Variants in GLRA1 observed in about 807,000 individuals in gnomAD.
The protein encoded by GLRA1 is glycine receptor alpha 1, also known as glycine receptor subunit alpha-1.
GLRA1 carries 37 observed loss-of-function variants against 48.3 expected under a neutral mutation model. That is an observed-to-expected ratio of 0.77 (90% CI 0.59 to 1.01). The LOEUF (loss-of-function observed/expected upper bound fraction) is 1.01, where lower values mean the gene tolerates loss of function less well. Ranked by LOEUF, GLRA1 falls within the 50% of genes least tolerant of loss-of-function variation. The probability of loss-of-function intolerance (pLI) is 0.00; values close to 1 mark genes in which losing one functional copy is unlikely to be tolerated. For missense variants in GLRA1, 427 were observed against 571.0 expected (o/e 0.75, Z 2.57); for synonymous variants, 196 against 210.7 (o/e 0.93, Z 0.60).
chr5:151,855,823 T>A (rs12109585), intron 5 of GLRA1, among the ~76,000 whole-genome samples: 60,517 of 152,046 alleles, frequency 0.4, 12,214 homozygotes, highest in South Asian at 0.45. Context: ...AAAATCCCAG[T>A]CCTCCATAAA....
intron 3 of GLRA1, among the ~76,000 whole-genome samples, chr5:151,866,946 A>G (rs1028201511): frequency 1.2e-4 from 18 of 152,220 alleles, no homozygotes; most frequent in African/African-American, 4.1e-4. Flanking sequence ...GTACAAAAAA[A>G]GTAAAAATAA....
chr5:151,911,569 C>T (rs1035981938), intron 1 of GLRA1, among the ~76,000 whole-genome samples: 127 of 146,904 alleles, frequency 8.6e-4, no homozygotes, highest in African/African-American at 2.8e-3. Context: ...ACTAGGATTT[C>T]GGAATATGTA....
intron 4 of GLRA1, among the ~76,000 whole-genome samples, chr5:151,859,082 G>A (rs1733071177): frequency 6.6e-6 from 1 of 152,158 alleles, no homozygotes; most frequent in South Asian, 2.1e-4. Context: ...TTATTAGGAG[G>A]GCTGGATATA....
At chr5:151,849,217 T>TCTTTTCTTTC (rs1752803253) in intron 7 of GLRA1, among the ~76,000 whole-genome samples, 1 of 62,964 alleles carries the variant, frequency 1.6e-5, no homozygotes, top group African/African-American at 6.9e-5. Flanking sequence ...TTCCTTCCTT[T>TCTTTTCTTTC]CTTCCTTCCT....
chr5:151,826,482 G>C (rs1561545042), intron 8 of GLRA1, among the ~76,000 whole-genome samples: 1 of 152,168 alleles, frequency 6.6e-6, no homozygotes, highest in Admixed American at 6.5e-5. Flanking sequence ...GTTAATGTTT[G>C]GAGAAGAACC....
chr5:151,908,212 G>C (rs1345901629), intron 1 of GLRA1, among the ~76,000 whole-genome samples: 3 of 152,198 alleles, frequency 2.0e-5, no homozygotes, highest in African/African-American at 7.2e-5. Flanking sequence ...CCACCAGCAG[G>C]AAACATGGAG....
chr5:151,906,020 G>T (rs541380524), intron 1 of GLRA1, among the ~76,000 whole-genome samples: 2 of 152,058 alleles, frequency 1.3e-5, no homozygotes, highest in Middle Eastern at 3.2e-3. Context: ...GCTCGAAATG[G>T]GGGGTGGGAT....
intron 4 of GLRA1, among the ~76,000 whole-genome samples, chr5:151,859,284 G>T (rs935283962): frequency 3.9e-5 from 6 of 152,126 alleles, no homozygotes; most frequent in Non-Finnish European, 8.8e-5. Flanking sequence ...AATATCTCAA[G>T]GATACTCCAC....
chr5:151,861,032 C>T (rs1411422427), intron 3 of GLRA1, among the ~76,000 whole-genome samples: 2 of 152,130 alleles, frequency 1.3e-5, no homozygotes, highest in Admixed American at 6.5e-5. Flanking sequence ...CAGCTTTATC[C>T]GTGTCCCTAT....
chr5:151,883,093 C>T (rs1007752730), intron 3 of GLRA1, among the ~76,000 whole-genome samples: 1 of 152,052 alleles, frequency 6.6e-6, no homozygotes, highest in Admixed American at 6.5e-5. Flanking sequence ...GAAATAGCAC[C>T]TCCTGCCCTA....
In GLRA1 at chr5:151,924,559, C is replaced by T. The variant is rs779413449; in HGVS notation, c.-10G>A. 71 of 1,585,782 alleles carry T rather than the reference C, an allele frequency of 4.5e-5. No individual in the cohort carries two copies. Among genetic ancestry groups the T allele is most frequent in the Non-Finnish European group, 6.2e-5 (71 of 1,154,174 alleles). On this transcript the variant is annotated 5_prime_UTR_variant, in exon 1 of 9. Coordinates refer to ENST00000274576, the MANE Select transcript of GLRA1 (RefSeq NM_000171.4). ...TATTGAAGCTGTACATTTTTCAGGT[C>T]CTTGTGCTTTGTAGTCCACGAGTTA... is the stretch of plus-strand genomic sequence containing the variant.
intron 7 of GLRA1, among the ~76,000 whole-genome samples, chr5:151,847,824 A>T (rs1328743251): frequency 6.6e-6 from 1 of 152,190 alleles, no homozygotes; most frequent in African/African-American, 2.4e-5. Context: ...CTGAAAGAAA[A>T]ATAGTGCCTG....
chr5:151,904,138 A>G (rs909789120), intron 1 of GLRA1, among the ~76,000 whole-genome samples: 5 of 152,214 alleles, frequency 3.3e-5, no homozygotes, highest in Admixed American at 3.3e-4. Flanking sequence ...ATGGATGATG[A>G]AGAAACAACA....
chr5:151,918,465 C>G (rs1754791639), intron 1 of GLRA1, among the ~76,000 whole-genome samples: 1 of 152,172 alleles, frequency 6.6e-6, no homozygotes, highest in Admixed American at 6.5e-5. Flanking sequence ...TTTTGCATAA[C>G]CAAGGTGATT....
intron 2 of GLRA1, among the ~76,000 whole-genome samples, chr5:151,887,130 A>T (rs189229649): frequency 6.2e-4 from 95 of 152,304 alleles, no homozygotes; most frequent in Non-Finnish European, 2.1e-4. Flanking sequence ...TGGCTGAAAT[A>T]TATTTATGTC....
chr5:151,877,904 A>C (rs1217133655), intron 3 of GLRA1, among the ~76,000 whole-genome samples: 1 of 152,224 alleles, frequency 6.6e-6, no homozygotes, highest in Admixed American at 6.5e-5. Flanking sequence ...GGACTAATAC[A>C]GTAAATTGGT....
At chr5:151,853,988 A>G (rs1752974106) in intron 6 of GLRA1, among the ~76,000 whole-genome samples, 1 of 152,240 alleles carries the variant, frequency 6.6e-6, no homozygotes, top group Non-Finnish European at 1.5e-5. Flanking sequence ...GCATATGTAT[A>G]TCAGAACATC....
intron 6 of GLRA1, 60 bp from the exon 7 acceptor site, chr5:151,851,664 G>GATTAGAACA: frequency 1.8e-6 from 2 of 1,136,322 alleles, no homozygotes; most frequent in Non-Finnish European, 2.7e-6. Flanking sequence ...AAGGCTTTAG[G>GATTAGAACA]ATTAGAACAA....
intron 7 of GLRA1, among the ~76,000 whole-genome samples, chr5:151,843,427 A>AT (rs1214008954): frequency 6.6e-6 from 1 of 151,422 alleles, no homozygotes; most frequent in Non-Finnish European, 1.5e-5. Context: ...TGCCTGGCTA[A>AT]TATTTTTGTA....
Sources: gnomAD v4.1 joint callset for allele counts (sites outside exome capture counted in the v4.1 genomes callset) on GRCh38, gnomAD v4.1.1 for gene constraint, MANE v1.5 for transcripts, NCBI Gene and HGNC (gene_info 2026-07-23, HGNC 2026-07-21) for gene names.